PIP4K2A: variants seen among roughly 807,000 people sequenced by gnomAD.
PIP4K2A encodes phosphatidylinositol-5-phosphate 4-kinase type 2 alpha.
A neutral mutation model predicts 42.9 loss-of-function variants in PIP4K2A; 14 were observed. That is an observed-to-expected ratio of 0.33 (90% confidence interval 0.22 to 0.51). The LOEUF is 0.51. Among genes scored for constraint, PIP4K2A ranks in the 20% least tolerant of loss-of-function variants. The pLI, the probability that PIP4K2A is intolerant of heterozygous loss-of-function variation, is 0.97. For synonymous variants in PIP4K2A, 192 were observed against 192.2 expected (o/e 1.00, Z 0.01); for missense variants, 434 against 519.8 (o/e 0.83, Z 1.61).
intron 1 of PIP4K2A, among the ~76,000 whole-genome samples, chr10:22,667,895 G>A (rs1564461489): frequency 6.7e-6 from 1 of 148,936 alleles, no homozygotes; most frequent in Non-Finnish European, 1.5e-5. Flanking sequence ...GTGTGTGTGT[G>A]TGTGTGTGTG....
chr10:22,647,005 C>A (rs1163665503), intron 1 of PIP4K2A, among the ~76,000 whole-genome samples: 2 of 151,974 alleles, frequency 1.3e-5, no homozygotes, highest in Non-Finnish European at 2.9e-5. Flanking sequence ...GTCAACCTGG[C>A]TGATCCATGG....
At chr10:22,699,501 G>A (rs951267801) in intron 1 of PIP4K2A, among the ~76,000 whole-genome samples, 13 of 151,746 alleles carry the variant, frequency 8.6e-5, no homozygotes, top group African/African-American at 2.4e-4. Flanking sequence ...GGGAATGTGC[G>A]AAACTTGGGA....
intron 1 of PIP4K2A, among the ~76,000 whole-genome samples, chr10:22,662,075 A>G (rs1474935779): frequency 6.6e-6 from 1 of 152,210 alleles, no homozygotes; most frequent in Non-Finnish European, 1.5e-5. Flanking sequence ...AATGACAAGA[A>G]AACAAAAATG....
At chr10:22,658,411 G>A (rs763611518) in intron 1 of PIP4K2A, among the ~76,000 whole-genome samples, 8 of 152,120 alleles carry the variant, frequency 5.3e-5, no homozygotes, top group East Asian at 1.9e-4. Flanking sequence ...AAGGGACCAC[G>A]GTATATTAAT....
intron 5 of PIP4K2A, among the ~76,000 whole-genome samples, chr10:22,572,296 G>A (rs1163249113): frequency 2.0e-5 from 3 of 152,186 alleles, no homozygotes; most frequent in African/African-American, 7.2e-5. Context: ...AAGGGGCATC[G>A]TGGTATTCCA....
intron 1 of PIP4K2A, among the ~76,000 whole-genome samples, chr10:22,681,138 A>G (rs1361788042): frequency 1.3e-5 from 2 of 152,168 alleles, no homozygotes; most frequent in Non-Finnish European, 2.9e-5. Flanking sequence ...TCTCAAATGT[A>G]TCGTTCTCAG....
chr10:22,670,685 A>G (rs1306844901), intron 1 of PIP4K2A, among the ~76,000 whole-genome samples: 3 of 152,184 alleles, frequency 2.0e-5, no homozygotes, highest in Non-Finnish European at 4.4e-5. Context: ...ATATTTCTCC[A>G]TAGTATTCAA....
chr10:22,702,726 C>A (rs913444392), intron 1 of PIP4K2A, among the ~76,000 whole-genome samples: 6 of 152,152 alleles, frequency 3.9e-5, no homozygotes, highest in South Asian at 2.1e-4. Flanking sequence ...CAAAAGTCAA[C>A]TTTCTATGTT....
At chr10:22,638,443 C>T (rs888865315) in intron 1 of PIP4K2A, among the ~76,000 whole-genome samples, 1 of 152,136 alleles carries the variant, frequency 6.6e-6, no homozygotes, top group African/African-American at 2.4e-5. Context: ...CAGAATTAGT[C>T]TTCCTGACTT....
At chr10:22,593,973 C>T (rs1325932147) in intron 3 of PIP4K2A, among the ~76,000 whole-genome samples, 1 of 152,214 alleles carries the variant, frequency 6.6e-6, no homozygotes, top group Non-Finnish European at 1.5e-5. Context: ...AACGTCCTCT[C>T]ATGGGCCAAT....
chr10:22,576,639 T>C (rs1166580794), intron 4 of PIP4K2A, among the ~76,000 whole-genome samples: 1 of 152,196 alleles, frequency 6.6e-6, no homozygotes, highest in African/African-American at 2.4e-5. Context: ...GAGGTAATAA[T>C]AGTACTTAAC....
intron 3 of PIP4K2A, among the ~76,000 whole-genome samples, chr10:22,604,610 A>G (rs1245674934): frequency 6.6e-6 from 1 of 152,150 alleles, no homozygotes; most frequent in Non-Finnish European, 1.5e-5. Flanking sequence ...CCTACTTTCC[A>G]AGTCAGTTGG....
chr10:22,661,558 T>TCA (rs898741140), intron 1 of PIP4K2A, among the ~76,000 whole-genome samples: 2 of 152,066 alleles, frequency 1.3e-5, no homozygotes, highest in African/African-American at 4.8e-5. Flanking sequence ...AAACAATGTC[T>TCA]CACTTTGTTG....
chr10:22,539,781 C>T (rs1836043010), intron 9 of PIP4K2A, 190 bp downstream of exon 9: 3 of 595,566 alleles, frequency 5.0e-6, no homozygotes, highest in South Asian at 3.9e-5. Context: ...ACATGACTTG[C>T]CCCCAGGGAA....
chr10:22,611,519 A>G (rs1338922220), intron 1 of PIP4K2A, among the ~76,000 whole-genome samples: 2 of 152,244 alleles, frequency 1.3e-5, no homozygotes, highest in Non-Finnish European at 2.9e-5. Context: ...GGCCAAATGC[A>G]AAGAGAAGAA....
chr10:22,622,122 T>C (rs978853243), intron 1 of PIP4K2A, among the ~76,000 whole-genome samples: 11 of 152,184 alleles, frequency 7.2e-5, no homozygotes, highest in African/African-American at 2.2e-4. Flanking sequence ...GACAAGAACA[T>C]TGGAGAGCAG....
At chr10:22,681,136 G>A (rs1037316575) in intron 1 of PIP4K2A, among the ~76,000 whole-genome samples, 2 of 152,152 alleles carry the variant, frequency 1.3e-5, no homozygotes, top group Admixed American at 6.5e-5. Flanking sequence ...CTTCTCAAAT[G>A]TATCGTTCTC....
chr10:22,606,559 T>C (rs766621642), intron 3 of PIP4K2A, among the ~76,000 whole-genome samples: 8 of 152,162 alleles, frequency 5.3e-5, no homozygotes, highest in Non-Finnish European at 8.8e-5. Context: ...AGTAAACATA[T>C]GAAAAATTCC....
intron 6 of PIP4K2A, among the ~76,000 whole-genome samples, chr10:22,556,803 G>A (rs543068358): frequency 6.6e-6 from 1 of 152,252 alleles, no homozygotes; most frequent in African/African-American, 2.4e-5. Context: ...AAACATTTGT[G>A]TATATATAAT....
Sources: allele counts gnomAD v4.1 joint callset (sites outside exome capture counted in the v4.1 genomes callset), GRCh38; gene constraint gnomAD v4.1.1; transcripts MANE v1.5; gene names NCBI Gene and HGNC (gene_info 2026-07-23, HGNC 2026-07-21).